The following DCC variants were observed in gnomAD, a reference collection of about 807,000 sequenced individuals.
The protein encoded by DCC is netrin receptor DCC.
Under a neutral mutation model 172.5 loss-of-function variants are expected in DCC, and 58 were observed. The ratio of observed to expected loss-of-function variants is 0.34; its 90% CI spans 0.27 to 0.42. The LOEUF is 0.42. Ranked by LOEUF, DCC falls within the 10% of genes least tolerant of loss-of-function variation. The pLI is 1.00. For missense variants in DCC, 1,740 were observed against 1,791.0 expected (o/e 0.97, Z 0.51); for synonymous variants, 709 against 644.5 (o/e 1.10, Z -1.52).
At chr18:53,102,235 T>C (rs898505675) in intron 7 of DCC, among the ~76,000 whole-genome samples, 13 of 152,158 alleles carry the variant, frequency 8.5e-5, no homozygotes, top group African/African-American at 3.1e-4. Flanking sequence ...CCCTTTTTCA[T>C]AGTGCTACTA....
At chr18:53,202,960 C>A (rs2055563941) in intron 9 of DCC, among the ~76,000 whole-genome samples, 1 of 152,068 alleles carries the variant, frequency 6.6e-6, no homozygotes, top group Non-Finnish European at 1.5e-5. Flanking sequence ...GACATGGCAA[C>A]AAAACCTGAC....
intron 19 of DCC, among the ~76,000 whole-genome samples, chr18:53,408,567 T>C (rs1286959025): frequency 1.3e-5 from 2 of 152,206 alleles, no homozygotes; most frequent in Non-Finnish European, 2.9e-5. Flanking sequence ...ATTTCCTGTC[T>C]TCTATCGGTT....
chr18:53,090,160 G>A (rs1351645839), intron 7 of DCC, among the ~76,000 whole-genome samples: 1 of 152,012 alleles, frequency 6.6e-6, no homozygotes, highest in East Asian at 1.9e-4. Flanking sequence ...ATTGTCGCTT[G>A]GTATATTAAA....
At chr18:52,531,527 C>T (rs1436772451) in intron 1 of DCC, among the ~76,000 whole-genome samples, 1 of 152,112 alleles carries the variant, frequency 6.6e-6, no homozygotes, top group Non-Finnish European at 1.5e-5. Context: ...AACTTCTTTG[C>T]CTAGAGAGAT....
At position 52,433,586 on chromosome 18, in the gene DCC, CCATGTATGAATTCTAACACTTA is replaced by C. The variant is rs547348915; in HGVS notation, c.91+92712_91+92733del. The stretch of plus-strand genomic sequence containing the variant: ...TCATGACAGAAACACATAATGGGAA[CCATGTATGAATTCTAACACTTA>C]CATTAGAAGTATGTATTTGTTGTAG... On this transcript the variant is annotated intron_variant, in intron 1 of 28. Coordinates refer to ENST00000442544, the MANE Select transcript of DCC (RefSeq NM_005215.4). Among the ~76,000 whole-genome samples, 358 of 152,184 alleles carry C rather than the reference CCATGTATGAATTCTAACACTTA, an allele frequency of 2.4e-3. 1 individual carries two copies. The highest frequency in any genetic ancestry group is 0.012 in the South Asian group (60 of 4,812).
chr18:52,447,904 C>T (rs543447362), intron 1 of DCC, among the ~76,000 whole-genome samples: 9 of 152,268 alleles, frequency 5.9e-5, no homozygotes, highest in African/African-American at 2.2e-4. Context: ...CAGTCACCTC[C>T]CACGAGGCCC....
chr18:53,289,436 T>C (rs1196489849), intron 12 of DCC, among the ~76,000 whole-genome samples: 1 of 152,150 alleles, frequency 6.6e-6, no homozygotes, highest in Non-Finnish European at 1.5e-5. Flanking sequence ...GACTATAGTA[T>C]GGTGTGTCTA....
intron 1 of DCC, among the ~76,000 whole-genome samples, chr18:52,385,117 G>T (rs1415203489): frequency 1.3e-5 from 2 of 152,056 alleles, no homozygotes; most frequent in Non-Finnish European, 2.9e-5. Flanking sequence ...AATGTGAATG[G>T]TTCACAACCA....
intron 15 of DCC, among the ~76,000 whole-genome samples, chr18:53,365,952 G>A (rs1047226789): frequency 6.6e-6 from 1 of 152,162 alleles, no homozygotes; most frequent in African/African-American, 2.4e-5. Flanking sequence ...TTTTATCACA[G>A]GAATGTTCTT....
chr18:52,773,974 T>G (rs934118627), intron 2 of DCC, among the ~76,000 whole-genome samples: 1 of 152,184 alleles, frequency 6.6e-6, no homozygotes, highest in African/African-American at 2.4e-5. Flanking sequence ...AATAATAATT[T>G]CCACAGGTGG....
chr18:53,475,439 G>T (rs149192273), intron 25 of DCC, among the ~76,000 whole-genome samples: 1 of 152,168 alleles, frequency 6.6e-6, no homozygotes, highest in Non-Finnish European at 1.5e-5. Context: ...TGTGAGCTGC[G>T]TGCAGCCTAT....
At chr18:53,200,213 G>A (rs1289415554) in intron 9 of DCC, among the ~76,000 whole-genome samples, 1 of 152,148 alleles carries the variant, frequency 6.6e-6, no homozygotes, top group African/African-American at 2.4e-5. Context: ...TAGATATAAA[G>A]AAATTATCAG....
chr18:52,709,037 C>T (rs1291516635), intron 1 of DCC, among the ~76,000 whole-genome samples: 1 of 152,124 alleles, frequency 6.6e-6, no homozygotes, highest in Non-Finnish European at 1.5e-5. Flanking sequence ...AATCTTTTCT[C>T]TTCTTTTTCG....
At chr18:52,589,401 A>G (rs2033748480) in intron 1 of DCC, among the ~76,000 whole-genome samples, 1 of 152,240 alleles carries the variant, frequency 6.6e-6, no homozygotes, top group Non-Finnish European at 1.5e-5. Context: ...TATATCCAAG[A>G]GTGTCAACCT....
At chr18:53,122,631 C>A in intron 7 of DCC, among the ~76,000 whole-genome samples, 1 of 151,966 alleles carries the variant, frequency 6.6e-6, no homozygotes, top group East Asian at 1.9e-4. Flanking sequence ...ACCATTAGGC[C>A]ATTATACCGA....
At chr18:52,816,155 A>G (rs2038292530) in intron 2 of DCC, among the ~76,000 whole-genome samples, 1 of 152,246 alleles carries the variant, frequency 6.6e-6, no homozygotes, top group South Asian at 2.1e-4. Flanking sequence ...GTGAATCAGT[A>G]ACTTGGTCAC....
intron 1 of DCC, among the ~76,000 whole-genome samples, chr18:52,636,528 C>T (rs1364812533): frequency 2.0e-5 from 3 of 152,216 alleles, no homozygotes; most frequent in South Asian, 2.1e-4. Context: ...CTTTGGTTTG[C>T]GTCCAGAGCT....
At chr18:53,248,552 T>C (rs912472886) in intron 12 of DCC, among the ~76,000 whole-genome samples, 1 of 152,012 alleles carries the variant, frequency 6.6e-6, no homozygotes. Flanking sequence ...TCCTTCTCCA[T>C]AGGAGATAAC....
intron 1 of DCC, among the ~76,000 whole-genome samples, chr18:52,403,735 T>A (rs1035093752): frequency 2.0e-5 from 3 of 152,014 alleles, no homozygotes; most frequent in African/African-American, 4.8e-5. Flanking sequence ...GTTCAAAGCA[T>A]AACCCTTCCC....
Sources: gnomAD v4.1 joint callset for allele counts (sites outside exome capture counted in the v4.1 genomes callset) on GRCh38, gnomAD v4.1.1 for gene constraint, MANE v1.5 for transcripts, NCBI Gene and HGNC (gene_info 2026-07-23, HGNC 2026-07-21) for gene names.